The following SORCS1 variants were observed in gnomAD, a reference collection of about 807,000 sequenced individuals.
The protein encoded by SORCS1 is VPS10 domain-containing receptor SorCS1.
Under a neutral mutation model 146.1 loss-of-function variants are expected in SORCS1, and 60 were observed. The observed-to-expected ratio is 0.41, with a 90% CI of 0.33 to 0.51. SORCS1 has a LOEUF of 0.51. Among genes scored for constraint, SORCS1 ranks in the 20% least tolerant of loss-of-function variants. SORCS1 has a pLI of 0.21. For missense variants in SORCS1, 1,352 were observed against 1,487.6 expected (o/e 0.91, Z 1.50); for synonymous variants, 637 against 584.0 (o/e 1.09, Z -1.31).
intron 1 of SORCS1, among the ~76,000 whole-genome samples, chr10:107,125,493 C>T (rs1404131912): frequency 1.1e-4 from 16 of 152,202 alleles, no homozygotes; most frequent in Admixed American, 9.8e-4. Context: ...TTCACTCGGT[C>T]ACTACTCACT....
chr10:106,759,253 G>A (rs1405430668), intron 5 of SORCS1, among the ~76,000 whole-genome samples: 1 of 152,156 alleles, frequency 6.6e-6, no homozygotes, highest in African/African-American at 2.4e-5. Context: ...GATTTCAGGA[G>A]GAATCAAGAG....
At chr10:106,891,438 T>C (rs1360045920) in intron 2 of SORCS1, among the ~76,000 whole-genome samples, 1 of 151,886 alleles carries the variant, frequency 6.6e-6, no homozygotes, top group Non-Finnish European at 1.5e-5. Context: ...AATGGACAGA[T>C]TTGAGTTTCC....
At chr10:106,666,346 C>G (rs1393362615) in intron 17 of SORCS1, among the ~76,000 whole-genome samples, 1 of 152,156 alleles carries the variant, frequency 6.6e-6, no homozygotes, top group Non-Finnish European at 1.5e-5. Flanking sequence ...CGGTCTTGAA[C>G]CGAAAGATAG....
intron 18 of SORCS1, among the ~76,000 whole-genome samples, chr10:106,642,330 G>A (rs774489077): frequency 4.6e-5 from 7 of 152,184 alleles, no homozygotes; most frequent in Admixed American, 4.6e-4. Flanking sequence ...TAATCACACT[G>A]TGATGTCATA....
chr10:107,039,125 C>A (rs940857086), intron 1 of SORCS1, among the ~76,000 whole-genome samples: 1 of 151,800 alleles, frequency 6.6e-6, no homozygotes, highest in East Asian at 1.9e-4. Flanking sequence ...GTCAGGAGAT[C>A]GAGACCATCC....
At chr10:106,777,927 G>A (rs1465204456) in intron 3 of SORCS1, among the ~76,000 whole-genome samples, 2 of 152,138 alleles carry the variant, frequency 1.3e-5, no homozygotes, top group African/African-American at 2.4e-5. Context: ...GTTGCTGTAT[G>A]AAAAGAAATC....
intron 3 of SORCS1, among the ~76,000 whole-genome samples, chr10:106,827,692 C>A (rs974233445): frequency 1.3e-5 from 2 of 152,144 alleles, no homozygotes; most frequent in Non-Finnish European, 2.9e-5. Context: ...CTGCATACAG[C>A]AGATCAAAAT....
intron 3 of SORCS1, among the ~76,000 whole-genome samples, chr10:106,815,989 C>A (rs996417960): frequency 6.6e-6 from 1 of 152,124 alleles, no homozygotes; most frequent in African/African-American, 2.4e-5. Flanking sequence ...TTTAGCAAAT[C>A]GGGACTTCTT....
At position 107,100,632 on chromosome 10, in the gene SORCS1, T is replaced by A. The variant is rs191798514; in HGVS notation, c.558+63337A>T. Among the ~76,000 whole-genome samples the A allele has an allele frequency of 8.8e-4, 134 of 152,244 alleles. 4 individuals carry two copies. Among genetic ancestry groups the A allele is most frequent in the African/African-American group, 3.2e-3 (132 of 41,506 alleles). On this transcript the variant is annotated intron_variant, in intron 1 of 25. Transcript: ENST00000263054. ...GTATTGAAAATCTCAAAGAAAGAGC[T>A]TGAAAATTGAGCTGAACAATTCTCA...
intron 1 of SORCS1, among the ~76,000 whole-genome samples, chr10:107,150,530 G>T (rs1306519450): frequency 3.9e-5 from 6 of 152,220 alleles, no homozygotes; most frequent in Non-Finnish European, 4.4e-5. Context: ...GAAGCACTGT[G>T]CTTTTGGAAG....
chr10:107,139,990 A>C (rs1967673238), intron 1 of SORCS1, among the ~76,000 whole-genome samples: 1 of 152,146 alleles, frequency 6.6e-6, no homozygotes, highest in Non-Finnish European at 1.5e-5. Flanking sequence ...GAAAACTCAA[A>C]CCCAGGTTCA....
At chr10:106,703,196 GA>G (rs1319388082) in intron 8 of SORCS1, among the ~76,000 whole-genome samples, 1 of 149,282 alleles carries the variant, frequency 6.7e-6, no homozygotes, top group Non-Finnish European at 1.5e-5. Flanking sequence ...AAAAAATAAA[GA>G]AAAGAGACAT....
At chr10:106,993,256 G>T (rs1265278407) in intron 1 of SORCS1, among the ~76,000 whole-genome samples, 1 of 152,182 alleles carries the variant, frequency 6.6e-6, no homozygotes, top group Non-Finnish European at 1.5e-5. Flanking sequence ...GTCTTTTCAG[G>T]AAATCTTTGT....
chr10:107,127,571 T>C (rs1051120526), intron 1 of SORCS1, among the ~76,000 whole-genome samples: 26 of 152,214 alleles, frequency 1.7e-4, no homozygotes, highest in African/African-American at 6.3e-4. Context: ...TTCCTGAAGA[T>C]AGCAGAGGAA....
intron 4 of SORCS1, among the ~76,000 whole-genome samples, chr10:106,769,959 G>A (rs1337059328): frequency 6.6e-6 from 1 of 152,174 alleles, no homozygotes; most frequent in Non-Finnish European, 1.5e-5. Context: ...CAGGCATGGT[G>A]GCAGGTGCCT....
chr10:107,066,325 A>G (rs1961855456), intron 1 of SORCS1, among the ~76,000 whole-genome samples: 1 of 152,194 alleles, frequency 6.6e-6, no homozygotes, highest in Non-Finnish European at 1.5e-5. Context: ...TAATCCCTTC[A>G]GGCAGAAAAC....
Position 106,672,902 on chromosome 10 carries a change from T to C in SORCS1, c.2024A>G (p.Glu675Gly), listed in dbSNP as rs1269445738. 1 of 1,614,128 alleles carries C rather than the reference T, an allele frequency of 6.2e-7. No homozygotes were observed. The highest frequency in any genetic ancestry group is 1.3e-5 in the African/African-American group (1 of 75,060). ...CAGCTGCCAAGGTCTGTAGTCCTCT[T>C]CGGCACACCGTCTATCAAAAATGGA... ...YKSIFDRRCA[E>G]EDYRPWQLHS... Residue 675 changes from glutamate (E) to glycine (G), a missense_variant, in exon 15 of 26, where the codon GAA becomes GGA. This residue lies in a region of SORCS1 where 648 missense variants were observed against 793.8 expected (regional missense o/e 0.82). Coordinates refer to ENST00000263054, the MANE Select transcript of SORCS1 (RefSeq NM_052918.5).
rs563015724 is a variant in SORCS1 at position 106,921,357 on chromosome 10, C to T, written c.626+35156G>A. ...ACAGAATGCCTCTGCTTCCCTGGTC[C>T]TTATCAGGCTCCACTGATGCAACAG... On this transcript the variant is annotated intron_variant, in intron 2 of 25. Transcript: ENST00000263054. 1.6e-4 allele frequency among the ~76,000 whole-genome samples: 24 copies of T among 152,274 alleles called. No homozygotes were observed. In the South Asian group the frequency reaches 4.6e-3, roughly 29 times the overall value.
chr10:107,169,927 T>C, the SORCS1 span, among the ~76,000 whole-genome samples: 9 of 152,186 alleles, frequency 5.9e-5, no homozygotes, highest in Non-Finnish European at 1.2e-4. Context: ...CATAATTAAG[T>C]AGGAAAAGAG....
Sources: allele counts gnomAD v4.1 joint callset (sites outside exome capture counted in the v4.1 genomes callset), GRCh38; gene constraint gnomAD v4.1.1; regional missense constraint gnomAD v4.1.1; transcripts MANE v1.5; gene names NCBI Gene and HGNC (gene_info 2026-07-23, HGNC 2026-07-21).